The following NBPF8 variants were observed in gnomAD, a reference collection of about 807,000 sequenced individuals.
The protein encoded by NBPF8 is NBPF family member NBPF8.
At chr1:120,460,469 A>T in intron 17 of NBPF8, 104 bp from the exon 16 acceptor site, 1 of 819,902 alleles carries the variant, frequency 1.2e-6, no homozygotes. Flanking sequence ...CTGTTCTCAC[A>T]TTGACAAGAC....
At chr1:120,421,228 G>C (rs1201568853) in intron 1 of NBPF8, among the ~76,000 whole-genome samples, 1 of 152,222 alleles carries the variant, frequency 6.6e-6, no homozygotes, top group Non-Finnish European at 1.5e-5. Context: ...CATGGAAACA[G>C]TATATAGTTT....
intron 24 of NBPF8, among the ~76,000 whole-genome samples, chr1:120,465,615 A>G (rs1227000478): frequency 6.8e-6 from 1 of 147,068 alleles, no homozygotes; most frequent in Admixed American, 6.7e-5. Context: ...ACTGCATCGA[A>G]TTTTGAGCAT....
upstream of NBPF8, among the ~76,000 whole-genome samples, chr1:120,415,062 T>G (rs1553244853): frequency 0.92 from 140,383 of 151,942 alleles, 65,062 homozygotes; most frequent in African/African-American, 0.98. Flanking sequence ...GCCAGCTGGC[T>G]CAGGCTATGG....
At chr1:120,422,958 C>G (rs1305404801) in intron 1 of NBPF8, among the ~76,000 whole-genome samples, 1 of 15,144 alleles carries the variant, frequency 6.6e-5, no homozygotes, top group East Asian at 8.8e-4. Flanking sequence ...AGATCTTTCA[C>G]CTTTTTTTTT....
chr1:120,428,294 A>G (rs1331942504), intron 3 of NBPF8, among the ~76,000 whole-genome samples: 5 of 148,676 alleles, frequency 3.4e-5, no homozygotes, highest in Non-Finnish European at 7.6e-5. Context: ...GACACAGTAG[A>G]CAAAGGTTTT....
intron 17 of NBPF8, among the ~76,000 whole-genome samples, chr1:120,459,796 T>G (rs1661526907): frequency 6.6e-6 from 1 of 152,334 alleles, no homozygotes; most frequent in South Asian, 2.1e-4. Flanking sequence ...AAGGCAGGTG[T>G]GGCAAACTCA....
chr1:120,469,199 GTA>G (rs1661840624), downstream of NBPF8, among the ~76,000 whole-genome samples: 1 of 128,320 alleles, frequency 7.8e-6, no homozygotes, highest in Non-Finnish European at 1.6e-5. Context: ...CCTATGAAAT[GTA>G]TATGTGTGTG....
At chr1:120,436,655 A>T (rs1484224091) in exon 1 of NBPF8, 11 of 1,605,790 alleles carry the variant, frequency 6.9e-6, no homozygotes, top group Non-Finnish European at 6.8e-6. Context: ...ATGTTTTCTA[A>T]CTCAACTGGC....
At chr1:120,425,248 TCTC>T (rs1282745506) in intron 1 of NBPF8, among the ~76,000 whole-genome samples, 1 of 150,794 alleles carries the variant, frequency 6.6e-6, no homozygotes, top group Non-Finnish European at 1.5e-5. Context: ...AAGGCATCTG[TCTC>T]CTCCTCGTCC....
chr1:120,420,237 A>T (rs1156854709), intron 1 of NBPF8, among the ~76,000 whole-genome samples, 119 bp downstream of exon 2: 1 of 152,102 alleles, frequency 6.6e-6, no homozygotes, highest in Non-Finnish European at 1.5e-5. Context: ...GCCTGGCATG[A>T]AACAGATACT....
chr1:120,465,282 G>A (rs1395414568), exon 24 of NBPF8: 43 of 666,192 alleles, frequency 6.5e-5, no homozygotes, highest in East Asian at 6.0e-4. Context: ...AGAAGGGGAA[G>A]GGGAAGATAA....
At chr1:120,434,416 T>A (rs1196316396), upstream of NBPF8, among the ~76,000 whole-genome samples, 6 of 136,558 alleles carry the variant, frequency 4.4e-5, no homozygotes, top group Admixed American at 4.7e-4. Flanking sequence ...GTATATATAT[T>A]ATATATATAT....
intron 1 of NBPF8, among the ~76,000 whole-genome samples, chr1:120,424,717 G>C (rs1660664877): frequency 6.8e-6 from 1 of 146,312 alleles, no homozygotes; most frequent in African/African-American, 2.5e-5. Context: ...CAAAGTGCTA[G>C]GATTACAGAC....
intron 20 of NBPF8, among the ~76,000 whole-genome samples, chr1:120,462,438 C>G (rs1288151513): frequency 2.0e-5 from 3 of 146,760 alleles, no homozygotes; most frequent in African/African-American, 7.6e-5. Context: ...TGCATGGAGT[C>G]TTGAGCAAGT....
chr1:120,424,432 T>C (rs1660652961), intron 1 of NBPF8, among the ~76,000 whole-genome samples: 1 of 152,032 alleles, frequency 6.6e-6, no homozygotes, highest in South Asian at 2.1e-4. Context: ...TGGAGTTAAG[T>C]AGTGAACCGT....
chr1:120,468,420 C>T (rs1553251017), downstream of NBPF8, among the ~76,000 whole-genome samples: 5,625 of 127,934 alleles, frequency 0.044, no homozygotes, highest in African/African-American at 0.13. Context: ...CTCACGGTCT[C>T]GATACATGGA....
chr1:120,462,669 A>C (rs1661626468), intron 20 of NBPF8, 125 bp from the exon 19 acceptor site: 24 of 274,738 alleles, frequency 8.7e-5, no homozygotes, highest in South Asian at 3.9e-4. Context: ...ATAATTCATT[A>C]CCTCATTAAT....
chr1:120,468,029 C>T (rs1661791811), downstream of NBPF8, among the ~76,000 whole-genome samples: 1 of 151,526 alleles, frequency 6.6e-6, no homozygotes. Flanking sequence ...AAATATTGCA[C>T]TAAAAATGTT....
chr1:120,431,349 C>G (rs1660870547), intron 3 of NBPF8, among the ~76,000 whole-genome samples: 1 of 37,654 alleles, frequency 2.7e-5, no homozygotes, highest in Admixed American at 2.3e-4. Flanking sequence ...TTTATCATCT[C>G]CAAATAGGGA....
Sources: gnomAD v4.1 joint callset for allele counts (sites outside exome capture counted in the v4.1 genomes callset) on GRCh38, gnomAD v4.1.1 for gene constraint, MANE v1.5 for transcripts, NCBI Gene and HGNC (gene_info 2026-07-23, HGNC 2026-07-21) for gene names.